Variants in TMCC3 observed in about 807,000 individuals in gnomAD.
TMCC3 encodes the protein transmembrane and coiled-coil domain family 3.
A neutral mutation model predicts 40.2 loss-of-function variants in TMCC3; 28 were observed. The observed-to-expected ratio is 0.70, with a 90% CI of 0.52 to 0.95. The LOEUF (loss-of-function observed/expected upper bound fraction) is 0.95. Ranked by LOEUF, TMCC3 falls within the 40% of genes least tolerant of loss-of-function variation. The pLI is 0.00. For missense variants in TMCC3, 554 were observed against 615.2 expected (o/e 0.90, Z 1.05); for synonymous variants, 255 against 248.5 (o/e 1.03, Z -0.25).
At chr12:94,572,452 A>G (rs1461621586) in intron 3 of TMCC3, among the ~76,000 whole-genome samples, 2 of 151,468 alleles carry the variant, frequency 1.3e-5, no homozygotes, top group African/African-American at 4.9e-5. Context: ...CTGGGATTAC[A>G]GGTGCACGCC....
intron 1 of TMCC3, among the ~76,000 whole-genome samples, chr12:94,645,347 G>A (rs1378109365): frequency 6.6e-6 from 1 of 152,194 alleles, no homozygotes; most frequent in Non-Finnish European, 1.5e-5. Context: ...CCGTTTCTAA[G>A]CTCACAAATC....
At chr12:94,623,167 A>C (rs1005709289) in intron 1 of TMCC3, among the ~76,000 whole-genome samples, 6 of 152,214 alleles carry the variant, frequency 3.9e-5, no homozygotes, top group Non-Finnish European at 7.3e-5. Context: ...TCTGAAAAGA[A>C]AAGATATTCT....
intron 1 of TMCC3, among the ~76,000 whole-genome samples, chr12:94,602,957 T>C (rs1566324760): frequency 6.6e-6 from 1 of 152,200 alleles, no homozygotes; most frequent in Non-Finnish European, 1.5e-5. Context: ...AGCTCTCATA[T>C]GCAGCAGTTC....
At chr12:94,571,805 C>T in intron 3 of TMCC3, 68 bp from the exon 4 acceptor site, 1 of 1,530,934 alleles carries the variant, frequency 6.5e-7, no homozygotes, top group Non-Finnish European at 8.9e-7. Flanking sequence ...AGTGCTCGCT[C>T]AGCTGTACAC....
chr12:94,590,064 A>T (rs113932429), intron 1 of TMCC3, among the ~76,000 whole-genome samples: 2 of 40,078 alleles, frequency 5.0e-5, no homozygotes, highest in African/African-American at 9.2e-5. Flanking sequence ...ACAGCTCTGG[A>T]GCCACATCAG....
chr12:94,593,393 A>AGAGGAAGAG (rs1566320574), intron 1 of TMCC3, among the ~76,000 whole-genome samples: 1 of 28,416 alleles, frequency 3.5e-5, no homozygotes. Flanking sequence ...GAAAGAAGAA[A>AGAGGAAGAG]GAAGAAAGAA....
At chr12:94,584,021 T>A (rs556498284) in intron 1 of TMCC3, among the ~76,000 whole-genome samples, 3 of 152,242 alleles carry the variant, frequency 2.0e-5, no homozygotes, top group South Asian at 2.1e-4. Context: ...CCTTTTTTTT[T>A]AAGGAATTAG....
At chr12:94,584,505 G>A (rs962058178) in intron 1 of TMCC3, among the ~76,000 whole-genome samples, 6 of 151,914 alleles carry the variant, frequency 3.9e-5, no homozygotes, top group African/African-American at 1.5e-4. Context: ...TGCTCTAGGT[G>A]ATCCAGACTT....
At chr12:94,578,146 C>CAA (rs1183420863) in intron 3 of TMCC3, among the ~76,000 whole-genome samples, 156 of 34,284 alleles carry the variant, frequency 4.6e-3, no homozygotes, top group East Asian at 0.011. Context: ...AGACTCACCT[C>CAA]AAAAAAAAAA....
Position 94,593,434 on chromosome 12 carries a change from G to GAGGA in TMCC3, c.79-10897_79-10896insTCCT, listed in dbSNP as rs2068694954. On this transcript the variant is annotated intron_variant, in intron 1 of 3. Transcript: ENST00000261226. ...AGGAAGAAGAAGAAGGAAGAAGAAG[G>GAGGA]AGAAGGAGAAGGAGAAGGAGAAGAA... Among the ~76,000 whole-genome samples the GAGGA allele has an allele frequency of 8.9e-5, 2 of 22,506 alleles. 1 individual carries two copies. Among genetic ancestry groups the GAGGA allele is most frequent in the Admixed American group, 9.8e-4 (2 of 2,038 alleles). The allele number at this position is 22,506 out of a possible 152,430, so 14.8% of individuals were successfully genotyped here.
intron 1 of TMCC3, among the ~76,000 whole-genome samples, chr12:94,585,117 C>T (rs2068630353): frequency 6.6e-6 from 1 of 152,116 alleles, no homozygotes. Context: ...GATCATGCTA[C>T]TCTATGTCTT....
chr12:94,612,055 G>C (rs2068819346), intron 1 of TMCC3, among the ~76,000 whole-genome samples: 1 of 152,212 alleles, frequency 6.6e-6, no homozygotes. Flanking sequence ...CTGGAGTGCA[G>C]TGGTGCAATC....
chr12:94,598,495 T>TA, intron 1 of TMCC3: 4 of 786,244 alleles, frequency 5.1e-6, no homozygotes, highest in Non-Finnish European at 4.6e-6. Flanking sequence ...TTGGCATTCA[T>TA]AAGTTCTCAA....
At chr12:94,608,917 T>G (rs1352474737) in intron 1 of TMCC3, among the ~76,000 whole-genome samples, 1 of 152,210 alleles carries the variant, frequency 6.6e-6, no homozygotes, top group Non-Finnish European at 1.5e-5. Flanking sequence ...ATTATACTAG[T>G]TATGTTTAGT....
chr12:94,644,045 A>G (rs2069004891), intron 1 of TMCC3, among the ~76,000 whole-genome samples: 1 of 152,194 alleles, frequency 6.6e-6, no homozygotes, highest in Non-Finnish European at 1.5e-5. Context: ...CACATTAACT[A>G]TTATTGTGAC....
chr12:94,649,085 TG>T (rs1336378169), intron 1 of TMCC3, among the ~76,000 whole-genome samples: 1 of 152,188 alleles, frequency 6.6e-6, no homozygotes, highest in Non-Finnish European at 1.5e-5. Context: ...ACAAGAGAAT[TG>T]TAAGATTGAG....
rs1459635925 is a variant in TMCC3, at chr12:94,571,212, G to C, written c.*223C>G. On this transcript the variant is annotated 3_prime_UTR_variant, in exon 4 of 4. Transcript: ENST00000261226. ...AGGAAATCGGTCTGATTAAGGCAGT[G>C]AGCAAGGTAGGAGAGCTCTGAAACA... 2 of 575,086 alleles carry C rather than the reference G, an allele frequency of 3.5e-6. No individual in the cohort carries two copies. The highest frequency in any genetic ancestry group is 6.1e-6 in the Non-Finnish European group (2 of 326,714). The allele number at this position is 575,086 out of a possible 1,614,324, so 35.6% of individuals were successfully genotyped here.
At chr12:94,592,649 C>T in intron 1 of TMCC3, among the ~76,000 whole-genome samples, 1 of 28,252 alleles carries the variant, frequency 3.5e-5, no homozygotes, top group South Asian at 1.0e-3. Flanking sequence ...GCCTGGACAA[C>T]AGGCTCCATC....
At chr12:94,578,562 C>G in intron 2 of TMCC3, 33 bp from the exon 3 acceptor site, 1 of 1,599,558 alleles carries the variant, frequency 6.3e-7, no homozygotes, top group Non-Finnish European at 8.5e-7. Flanking sequence ...CCCAGTGTGA[C>G]CTTTCACAGC....
Sources: allele counts gnomAD v4.1 joint callset (sites outside exome capture counted in the v4.1 genomes callset), GRCh38; gene constraint gnomAD v4.1.1; transcripts MANE v1.5; gene names NCBI Gene and HGNC (gene_info 2026-07-23, HGNC 2026-07-21).